SPMIP4: variants seen among roughly 807,000 people sequenced by gnomAD.
The protein encoded by SPMIP4 is sperm-associated microtubule inner protein 4.
the SPMIP4 span, among the ~76,000 whole-genome samples, chr7:25,152,905 G>A: frequency 6.6e-6 from 1 of 151,694 alleles, no homozygotes; most frequent in African/African-American, 2.4e-5. Context: ...CACCAGGCCT[G>A]GCTAATTTTT....
At chr7:25,137,273 TG>T in the SPMIP4 span, among the ~76,000 whole-genome samples, 1 of 146,460 alleles carries the variant, frequency 6.8e-6, no homozygotes, top group African/African-American at 2.5e-5. Context: ...TCAGAAGGCC[TG>T]TAGTGGGCCC....
the SPMIP4 span, among the ~76,000 whole-genome samples, chr7:25,165,650 A>G: frequency 6.6e-6 from 1 of 152,092 alleles, no homozygotes; most frequent in Admixed American, 6.5e-5. Context: ...GCCTGGCCGC[A>G]TTTTCTTACA....
the SPMIP4 span, among the ~76,000 whole-genome samples, chr7:25,165,587 A>G: frequency 6.6e-6 from 1 of 152,056 alleles, no homozygotes; most frequent in African/African-American, 2.4e-5. Context: ...TGACCTCATG[A>G]TCTGCCCACC....
the SPMIP4 span, among the ~76,000 whole-genome samples, chr7:25,170,100 T>G: frequency 6.6e-6 from 1 of 152,226 alleles, no homozygotes; most frequent in African/African-American, 2.4e-5. Flanking sequence ...TTTAACTTGT[T>G]GAGGAACTGC....
the SPMIP4 span, among the ~76,000 whole-genome samples, chr7:25,144,836 T>G: frequency 1.3e-5 from 2 of 152,238 alleles, no homozygotes; most frequent in African/African-American, 4.8e-5. Flanking sequence ...TAAAAGGCAC[T>G]GCTACCCCTA....
At chr7:25,157,042 A>C in the SPMIP4 span, among the ~76,000 whole-genome samples, 1 of 152,164 alleles carries the variant, frequency 6.6e-6, no homozygotes, top group Non-Finnish European at 1.5e-5. Context: ...GACAGAAAGA[A>C]AGGAAATGCT....
chr7:25,170,477 A>T, the SPMIP4 span, among the ~76,000 whole-genome samples: 1 of 152,220 alleles, frequency 6.6e-6, no homozygotes, highest in East Asian at 1.9e-4. Context: ...TGTTCTGTGC[A>T]ATTACTTTTT....
chr7:25,179,299 T>C, the SPMIP4 span: 1 of 1,610,464 alleles, frequency 6.2e-7, no homozygotes, highest in Non-Finnish European at 8.5e-7. Context: ...CTGCCGTGAA[T>C]GACTTCCATG....
the SPMIP4 span, among the ~76,000 whole-genome samples, chr7:25,141,432 T>C: frequency 6.6e-6 from 1 of 151,646 alleles, no homozygotes; most frequent in Non-Finnish European, 1.5e-5. Context: ...ATTAGCTGGG[T>C]GTGGTGGTGC....
At chr7:25,143,250 C>T in the SPMIP4 span, among the ~76,000 whole-genome samples, 1 of 152,144 alleles carries the variant, frequency 6.6e-6, no homozygotes, top group Non-Finnish European at 1.5e-5. Context: ...TTAAATCACT[C>T]AAATTCAAAT....
chr7:25,168,797 C>T, the SPMIP4 span, among the ~76,000 whole-genome samples: 119 of 149,952 alleles, frequency 7.9e-4, no homozygotes, highest in Middle Eastern at 0.014. Context: ...ATGATCTTGG[C>T]TCACTGCAGC....
the SPMIP4 span, among the ~76,000 whole-genome samples, chr7:25,162,861 T>C: frequency 2.0e-5 from 3 of 152,150 alleles, no homozygotes; most frequent in Non-Finnish European, 4.4e-5. Context: ...AACTTCTACC[T>C]CCTGGGTTCA....
At chr7:25,161,691 A>G in the SPMIP4 span, among the ~76,000 whole-genome samples, 5 of 148,220 alleles carry the variant, frequency 3.4e-5, no homozygotes, top group African/African-American at 5.0e-5. Flanking sequence ...CTGGACTCAA[A>G]TGATTCTCCC....
the SPMIP4 span, chr7:25,136,744 C>A: frequency 6.2e-7 from 1 of 1,614,032 alleles, no homozygotes; most frequent in Middle Eastern, 1.6e-4. This position sits in a 1 kb window ranked among gnomAD's most constrained non-coding sequence, Gnocchi z 5.7. Context: ...TCGGGCAATT[C>A]GTCCTTCCAA....
the SPMIP4 span, among the ~76,000 whole-genome samples, chr7:25,126,388 G>T: frequency 6.6e-6 from 1 of 151,934 alleles, no homozygotes; most frequent in Non-Finnish European, 1.5e-5. Flanking sequence ...ATTTGGTCAG[G>T]CTGGTCTCGA....
chr7:25,154,915 T>G, the SPMIP4 span: 1 of 1,174,684 alleles, frequency 8.5e-7, no homozygotes, highest in Non-Finnish European at 1.2e-6. Context: ...CACACATTTG[T>G]GACTTGAGTC....
chr7:25,139,265 T>A, the SPMIP4 span, among the ~76,000 whole-genome samples: 2 of 152,184 alleles, frequency 1.3e-5, no homozygotes, highest in Non-Finnish European at 2.9e-5. Flanking sequence ...CTAAAATGCA[T>A]ACAAATAATA....
chr7:25,136,891 G>A, the SPMIP4 span: 154 of 1,181,448 alleles, frequency 1.3e-4, 2 homozygotes, highest in African/African-American at 2.1e-3. This position sits in a 1 kb window ranked among gnomAD's most constrained non-coding sequence, Gnocchi z 5.7. Context: ...CTGAGTACAC[G>A]AGATGGGCAT....
the SPMIP4 span, chr7:25,142,731 T>A: frequency 1.2e-6 from 2 of 1,608,982 alleles, no homozygotes; most frequent in East Asian, 2.2e-5. Flanking sequence ...TAGGGTCCCA[T>A]GAATTTAAAG....
Sources: gnomAD v4.1 joint callset for allele counts (sites outside exome capture counted in the v4.1 genomes callset) on GRCh38, gnomAD v4.1.1 for gene constraint, Gnocchi (gnomAD v3.1) non-coding constraint, MANE v1.5 for transcripts, NCBI Gene and HGNC (gene_info 2026-07-23, HGNC 2026-07-21) for gene names.